Variants in ASIC2 observed in about 807,000 individuals in gnomAD.
The protein encoded by ASIC2 is acid-sensing ion channel 2.
In ASIC2, 25 loss-of-function variants were observed where a neutral mutation model predicts 57.3. The observed-to-expected ratio is 0.44, with a 90% CI of 0.32 to 0.61. The LOEUF is 0.61. Among genes scored for constraint, ASIC2 ranks in the 20% least tolerant of loss-of-function variants. The pLI is 0.06. For synonymous variants in ASIC2, 319 were observed against 307.5 expected (o/e 1.04, Z -0.39); for missense variants, 641 against 738.1 (o/e 0.87, Z 1.52).
At chr17:33,373,202 G>A (rs1043717729) in intron 1 of ASIC2, among the ~76,000 whole-genome samples, 2 of 152,166 alleles carry the variant, frequency 1.3e-5, no homozygotes, top group Non-Finnish European at 2.9e-5. Flanking sequence ...GCATGTAATC[G>A]ACCTGGTCAG....
At chr17:34,109,403 A>G (rs1235383832) in intron 1 of ASIC2, among the ~76,000 whole-genome samples, 2 of 152,188 alleles carry the variant, frequency 1.3e-5, no homozygotes, top group African/African-American at 4.8e-5. Context: ...AAAAGTATAC[A>G]GTCCTGTGCA....
chr17:33,124,031 A>G (rs2092313522), intron 1 of ASIC2, among the ~76,000 whole-genome samples: 1 of 152,258 alleles, frequency 6.6e-6, no homozygotes, highest in Non-Finnish European at 1.5e-5. Flanking sequence ...CAGGGCAGAA[A>G]ACAATCCCAA....
intron 1 of ASIC2, among the ~76,000 whole-genome samples, chr17:33,213,385 G>A (rs1255469461): frequency 6.6e-6 from 1 of 152,224 alleles, no homozygotes; most frequent in African/African-American, 2.4e-5. Context: ...GGGAAGAGAA[G>A]GAAATGATGA....
chr17:33,949,972 C>T (rs1904506256), intron 1 of ASIC2, among the ~76,000 whole-genome samples: 1 of 152,186 alleles, frequency 6.6e-6, no homozygotes, highest in Admixed American at 6.5e-5. Context: ...GTGGCCAACC[C>T]CAGATCCTGA....
At chr17:33,251,993 G>A (rs73982478) in intron 1 of ASIC2, among the ~76,000 whole-genome samples, 16,807 of 152,140 alleles carry the variant, frequency 0.11, 1,097 homozygotes, top group East Asian at 0.24. Flanking sequence ...AGGTAAGCAG[G>A]CCAGGTACTA....
intron 1 of ASIC2, among the ~76,000 whole-genome samples, chr17:34,068,582 A>C (rs1478581985): frequency 6.6e-6 from 1 of 152,184 alleles, no homozygotes; most frequent in Non-Finnish European, 1.5e-5. Flanking sequence ...TTTTCCTGTA[A>C]AACAATGGAG....
intron 1 of ASIC2, among the ~76,000 whole-genome samples, chr17:33,798,398 T>C (rs988681390): frequency 7.2e-5 from 11 of 152,126 alleles, no homozygotes; most frequent in Admixed American, 6.5e-4. Flanking sequence ...GTGTCAGGTG[T>C]CAAAATATTC....
At chr17:33,483,507 C>T (rs958163743) in intron 1 of ASIC2, among the ~76,000 whole-genome samples, 1 of 152,196 alleles carries the variant, frequency 6.6e-6, no homozygotes, top group Non-Finnish European at 1.5e-5. Flanking sequence ...GCAGGTGGAG[C>T]GAGGTTTCTC....
chr17:33,269,981 G>C (rs536222216), intron 1 of ASIC2, among the ~76,000 whole-genome samples: 1 of 152,124 alleles, frequency 6.6e-6, no homozygotes, highest in Non-Finnish European at 1.5e-5. Context: ...ATGCCTCTCT[G>C]CTCCATCCAT....
chr17:33,076,288 A>G (rs1458145342), intron 3 of ASIC2, among the ~76,000 whole-genome samples: 5 of 152,214 alleles, frequency 3.3e-5, no homozygotes, highest in Admixed American at 3.3e-4. Flanking sequence ...GCTGTCCACT[A>G]AGGAAGGTAT....
At chr17:33,685,223 A>G (rs1403292694) in intron 1 of ASIC2, among the ~76,000 whole-genome samples, 1 of 152,090 alleles carries the variant, frequency 6.6e-6, no homozygotes, top group African/African-American at 2.4e-5. Flanking sequence ...TGCTTTCCAG[A>G]TAAGTAGAAA....
At chr17:33,641,421 G>A (rs1906561803) in intron 1 of ASIC2, among the ~76,000 whole-genome samples, 1 of 152,178 alleles carries the variant, frequency 6.6e-6, no homozygotes, top group Non-Finnish European at 1.5e-5. Context: ...TAATAATGCT[G>A]TCTGTGTGTT....
chr17:33,799,483 T>TTTCC (rs1912064483), intron 1 of ASIC2, among the ~76,000 whole-genome samples: 5 of 145,406 alleles, frequency 3.4e-5, no homozygotes, highest in African/African-American at 1.0e-4. Flanking sequence ...TCTTTCCTTC[T>TTTCC]TTCTTTCTTT....
chr17:33,296,585 C>A (rs1005040743), upstream of ASIC2, among the ~76,000 whole-genome samples: 1 of 152,146 alleles, frequency 6.6e-6, no homozygotes, highest in Non-Finnish European at 1.5e-5. Flanking sequence ...GTTCACCATG[C>A]CTGGTGTTCT....
intron 1 of ASIC2, among the ~76,000 whole-genome samples, chr17:33,163,077 T>G (rs761879643): frequency 1.1e-4 from 17 of 152,010 alleles, no homozygotes; most frequent in Non-Finnish European, 1.9e-4. Context: ...GGGTGCTCAT[T>G]CTGGTGGGGT....
At chr17:33,599,737 A>G (rs1334578342) in intron 1 of ASIC2, among the ~76,000 whole-genome samples, 1 of 152,116 alleles carries the variant, frequency 6.6e-6, no homozygotes, top group Non-Finnish European at 1.5e-5. Context: ...TGCTGAGGAG[A>G]CCTGAAGCCC....
intron 1 of ASIC2, among the ~76,000 whole-genome samples, chr17:33,940,188 A>C (rs1288882543): frequency 1.3e-5 from 2 of 152,108 alleles, no homozygotes; most frequent in Non-Finnish European, 2.9e-5. Context: ...TTTCTATTCC[A>C]CTTCCTGTCC....
chr17:33,318,038 T>C (rs1319370359), intron 1 of ASIC2, among the ~76,000 whole-genome samples: 3 of 152,070 alleles, frequency 2.0e-5, no homozygotes, highest in Non-Finnish European at 4.4e-5. Context: ...AGGAAAGAGC[T>C]GACGGTCGCA....
At chr17:33,539,449 GA>G (rs1170400493) in intron 1 of ASIC2, among the ~76,000 whole-genome samples, 2 of 152,234 alleles carry the variant, frequency 1.3e-5, no homozygotes, top group African/African-American at 4.8e-5. Context: ...TGGAGGGCAG[GA>G]AAGCTGGAAG....
Sources: allele counts gnomAD v4.1 joint callset (sites outside exome capture counted in the v4.1 genomes callset), GRCh38; gene constraint gnomAD v4.1.1; transcripts MANE v1.5; gene names NCBI Gene and HGNC (gene_info 2026-07-23, HGNC 2026-07-21).